COL1A2: variants seen among roughly 807,000 people sequenced by gnomAD.
COL1A2 encodes collagen alpha-2(I) chain.
COL1A2 carries 49 observed loss-of-function variants against 174.3 expected under a neutral mutation model. The observed-to-expected ratio is 0.28, with a 90% confidence interval of 0.22 to 0.36. COL1A2 has a LOEUF of 0.36. COL1A2 is among the 10% of genes least tolerant of loss of function. The pLI is 1.00. For missense variants in COL1A2, 1,438 were observed against 1,822.7 expected, an observed-to-expected ratio of 0.79 and a Z score of 3.84; for synonymous variants, 655 against 606.6, an observed-to-expected ratio of 1.08 and a Z score of -1.17.
At chr7:94,413,617 A>G in intron 26 of COL1A2, 73 bp from the exon 27 acceptor site, 8 of 1,404,008 alleles carry the variant, frequency 5.7e-6, no homozygotes, top group Non-Finnish European at 6.1e-6. Flanking sequence ...AGGAAGTAAT[A>G]CCTGAGGCTT....
rs1409767732 is a variant in COL1A2 at position 94,420,662 on chromosome 7, A to G, written c.2295+14A>G. On this transcript the variant is annotated intron_variant, in intron 37 of 51. Coordinates refer to ENST00000297268, the MANE Select transcript of COL1A2 (RefSeq NM_000089.4). Reference sequence around the variant, plus strand: ...GCTGGCCCAGCTGTAAGTTGAATTCACTGGTGGTCCACACAGCAGCTACCC... The same window carrying G: ...GCTGGCCCAGCTGTAAGTTGAATTCGCTGGTGGTCCACACAGCAGCTACCC... 2 of 1,575,674 alleles carry G rather than the reference A, an allele frequency of 1.3e-6. No individual in the cohort carries two copies. The highest frequency in any genetic ancestry group is 1.8e-5 in the Admixed American group (1 of 54,104).
chr7:94,398,558 A>G (rs1415184831), intron 3 of COL1A2, among the ~76,000 whole-genome samples, 162 bp downstream of exon 3: 3 of 152,032 alleles, frequency 2.0e-5, no homozygotes, highest in African/African-American at 7.2e-5. Flanking sequence ...GATGTTTAAG[A>G]TAACAAAGTT....
At position 94,428,300 on chromosome 7, in the gene COL1A2, C is replaced by T; in HGVS notation, c.3534C>T (p.Tyr1178=). 6.2e-7 allele frequency: 1 copy of T among 1,613,052 alleles called. No individual in the cohort carries two copies. The highest frequency in any genetic ancestry group is 1.1e-5 in the South Asian group (1 of 91,068). The part of the protein sequence containing the change: ...LSHPEWSSGY[Y]WIDPNQGCTM... Reference sequence around the variant, plus strand: ...ATGTTATTTTCTTAAAAGGTTACTACTGGATTGACCCTAACCAAGGATGCA... The same window carrying T: ...ATGTTATTTTCTTAAAAGGTTACTATTGGATTGACCCTAACCAAGGATGCA... Residue 1178 remains tyrosine, a synonymous_variant, in exon 50 of 52, where the codon TAC becomes TAT. Coordinates refer to ENST00000297268, the MANE Select transcript of COL1A2 (RefSeq NM_000089.4).
chr7:94,421,345 C>T (rs953155012), intron 38 of COL1A2: 5 of 493,664 alleles, frequency 1.0e-5, no homozygotes, highest in African/African-American at 7.8e-5. Context: ...TTAATATGCC[C>T]CTTCTTCTGC....
rs201380516 is a variant in COL1A2 at position 94,426,941 on chromosome 7, A to G, written c.3106-67A>G. The G allele has an allele frequency of 3.8e-4, 61 of 159,266 alleles. No homozygotes were observed. The Admixed American group carries it at 4.7e-3, about 12-fold the overall frequency. The allele number at this position is 159,266 out of a possible 1,614,324, so 9.9% of individuals were successfully genotyped here. ...ACTAAAGTTTCCCATTCAATTTGGA[A>G]AAAAAAAAAAAATATGTCTCTTGAC... is the stretch of plus-strand genomic sequence containing the variant. On this transcript the variant is annotated intron_variant, in intron 46 of 51. Coordinates refer to ENST00000297268, the MANE Select transcript of COL1A2 (RefSeq NM_000089.4).
intron 46 of COL1A2, 173 bp from the exon 47 acceptor site, chr7:94,426,835 A>T: frequency 1.0e-5 from 7 of 669,694 alleles, no homozygotes; most frequent in South Asian, 5.6e-5. Flanking sequence ...GGTTGTGAAA[A>T]AAAAATTGAA....
At chr7:94,412,503 T>A in intron 24 of COL1A2, 81 bp from the exon 25 acceptor site, 1 of 1,063,812 alleles carries the variant, frequency 9.4e-7, no homozygotes, top group South Asian at 1.3e-5. Context: ...AACTATTCTG[T>A]TTCATCCGTG....
chr7:94,424,595 G>C (rs1792236105), intron 41 of COL1A2, 152 bp downstream of exon 41: 2 of 678,252 alleles, frequency 2.9e-6, no homozygotes, highest in Non-Finnish European at 5.1e-6. Flanking sequence ...ACTTATCTAA[G>C]AAGCTTTAAT....
rs1369981302 is a variant in COL1A2, at chr7:94,404,903, A to G, written c.432+11A>G. On this transcript the variant is annotated intron_variant, in intron 9 of 51. Transcript: ENST00000297268. ...AAGGCTGGTGAAGATGTAAGTATTT[A>G]CTCTTAAGCACTTTCAAAATGCTAT... The G allele has an allele frequency of 6.2e-7, 1 of 1,613,574 alleles. No individual in the cohort carries two copies. The highest frequency in any genetic ancestry group is 2.2e-5 in the East Asian group (1 of 44,876).
intron 29 of COL1A2, 141 bp downstream of exon 29, chr7:94,414,416 G>T (rs1293203458): frequency 3.7e-6 from 3 of 801,130 alleles, no homozygotes; most frequent in African/African-American, 1.7e-5. Context: ...TACATACTTT[G>T]GTGCTGATGG....
At chr7:94,426,848 T>A (rs1792288261) in intron 46 of COL1A2, 160 bp from the exon 47 acceptor site, 7 of 691,996 alleles carry the variant, frequency 1.0e-5, no homozygotes, top group Middle Eastern at 4.0e-4. Flanking sequence ...AAATTGAATA[T>A]AATAGACATA....
intron 4 of COL1A2, 183 bp from the exon 5 acceptor site, chr7:94,400,013 G>A (rs1049605252): frequency 9.2e-6 from 7 of 757,886 alleles, no homozygotes; most frequent in African/African-American, 6.8e-5. Flanking sequence ...GATATCTTAA[G>A]AGTTATTAAC....
At chr7:94,417,911 T>C (rs962982762) in intron 32 of COL1A2, 80 bp downstream of exon 32, 2 of 1,155,122 alleles carry the variant, frequency 1.7e-6, no homozygotes, top group African/African-American at 3.1e-5. Context: ...TTTTCACAAT[T>C]CTTGGCAGGT....
At chr7:94,413,611 A>G in intron 26 of COL1A2, 79 bp from the exon 27 acceptor site, 1 of 1,352,398 alleles carries the variant, frequency 7.4e-7, no homozygotes, top group Non-Finnish European at 1.1e-6. Context: ...GTTTTAAGGA[A>G]GTAATACCTG....
chr7:94,431,146 ATTGTACCTAT>A lies in COL1A2; in HGVS notation c.*756_*765del, dbSNP rs986721636. ...TTTCTTGGGCAAGCAGAAAAATTAA[ATTGTACCTAT>A]TTTGTATATGTGAGATGTTTAAATA... On this transcript the variant is annotated 3_prime_UTR_variant, in exon 52 of 52. Transcript: ENST00000297268. The A allele has an allele frequency of 2.6e-5, 4 of 152,642 alleles. No individual in the cohort carries two copies. Among genetic ancestry groups the A allele is most frequent in the African/African-American group, 9.7e-5 (4 of 41,446 alleles). The allele number at this position is 152,642 out of a possible 1,614,324, so 9.5% of individuals were successfully genotyped here.
chr7:94,427,570 A>G (rs1792305080), intron 48 of COL1A2, 57 bp from the exon 49 acceptor site: 3 of 1,596,608 alleles, frequency 1.9e-6, no homozygotes, highest in Non-Finnish European at 2.6e-6. Flanking sequence ...GCTGCCATGG[A>G]TGTCTCTCAC....
intron 26 of COL1A2, 53 bp downstream of exon 26, chr7:94,413,189 A>C: frequency 6.4e-7 from 1 of 1,554,124 alleles, no homozygotes; most frequent in Admixed American, 1.7e-5. Context: ...TCTAAGAACC[A>C]CACTTTTTTT....
chr7:94,414,121 C>T, intron 28 of COL1A2, 101 bp from the exon 29 acceptor site: 3 of 1,356,822 alleles, frequency 2.2e-6, no homozygotes, highest in Admixed American at 1.7e-5. Flanking sequence ...TACAATCGTG[C>T]TCATGTTGAT....
chr7:94,397,596 T>C (rs1791608589), intron 1 of COL1A2, 152 bp from the exon 2 acceptor site: 1 of 507,892 alleles, frequency 2.0e-6, no homozygotes, highest in Non-Finnish European at 3.6e-6. Context: ...GCATAATTTC[T>C]AGGTCATTAA....
Sources: allele counts gnomAD v4.1 joint callset (sites outside exome capture counted in the v4.1 genomes callset), GRCh38; gene constraint gnomAD v4.1.1; transcripts MANE v1.5; gene names NCBI Gene and HGNC (gene_info 2026-07-23, HGNC 2026-07-21).